The following TENM2 variants were observed in gnomAD, a reference collection of about 807,000 sequenced individuals.
TENM2 encodes the protein teneurin-2.
A neutral mutation model predicts 245.2 loss-of-function variants in TENM2; 52 were observed. The ratio of observed to expected loss-of-function variants is 0.21; its 90% CI spans 0.17 to 0.27. TENM2 has a LOEUF of 0.27. Ranked by LOEUF, TENM2 falls within the 10% of genes least tolerant of loss-of-function variation. The probability of loss-of-function intolerance (pLI) is 1.00; values close to 1 mark genes in which losing one functional copy is unlikely to be tolerated. For missense variants in TENM2, 3,046 were observed against 3,666.8 expected (o/e 0.83, Z 4.37); for synonymous variants, 1,363 against 1,438.9 (o/e 0.95, Z 1.19).
chr5:167,166,192 C>T, the TENM2 span, among the ~76,000 whole-genome samples: 2 of 152,134 alleles, frequency 1.3e-5, no homozygotes, highest in Non-Finnish European at 2.9e-5. Context: ...GTTTATAAAA[C>T]ATTGTTCAGC....
chr5:168,219,038 C>T, intron 23 of TENM2, 39 bp downstream of exon 25: 1 of 1,578,836 alleles, frequency 6.3e-7, no homozygotes. Context: ...GAGCCCTTCC[C>T]TTGCCCTAGC....
chr5:167,293,075 GGAGA>G (rs778339377), intron 1 of TENM2, among the ~76,000 whole-genome samples: 1 of 152,214 alleles, frequency 6.6e-6, no homozygotes, highest in Admixed American at 6.5e-5. Context: ...TTCAGCTTGT[GGAGA>G]GAGGAAAGAT....
chr5:167,774,605 A>G (rs1763634242), intron 2 of TENM2, among the ~76,000 whole-genome samples: 1 of 152,198 alleles, frequency 6.6e-6, no homozygotes, highest in African/African-American at 2.4e-5. Flanking sequence ...TAATTCATAC[A>G]TGGATACCCC....
chr5:168,220,089 T>C (rs1763542933), intron 23 of TENM2, among the ~76,000 whole-genome samples: 1 of 152,174 alleles, frequency 6.6e-6, no homozygotes, highest in African/African-American at 2.4e-5. Context: ...CTTAATACCC[T>C]TCAGGACACT....
chr5:167,592,006 A>G (rs278016), intron 2 of TENM2, among the ~76,000 whole-genome samples: 102,379 of 152,130 alleles, frequency 0.67, 34,529 homozygotes, highest in Middle Eastern at 0.76. Context: ...CAAGTGATAC[A>G]GCATTTGCCA....
intron 3 of TENM2, among the ~76,000 whole-genome samples, chr5:167,894,924 AGG>A (rs1775055860): frequency 1.0e-4 from 1 of 10,030 alleles, no homozygotes; most frequent in African/African-American, 4.3e-4. Flanking sequence ...CCTGGAAAGA[AGG>A]AAGGAAGGAA....
At chr5:167,827,532 G>A (rs2151073315) in intron 2 of TENM2, among the ~76,000 whole-genome samples, 1 of 142,460 alleles carries the variant, frequency 7.0e-6, no homozygotes, top group South Asian at 2.2e-4. Context: ...CTTAAAATAT[G>A]TTAATAAATA....
intron 2 of TENM2, among the ~76,000 whole-genome samples, chr5:167,708,964 G>A (rs1425827722): frequency 6.6e-6 from 1 of 152,102 alleles, no homozygotes; most frequent in Admixed American, 6.5e-5. Flanking sequence ...TCCCTTTTAT[G>A]AAATGGGCGA....
chr5:167,961,459 T>C (rs1035398013), intron 4 of TENM2, among the ~76,000 whole-genome samples: 1 of 152,196 alleles, frequency 6.6e-6, no homozygotes, highest in African/African-American at 2.4e-5. Flanking sequence ...TAACAGACTA[T>C]TATTTGAAAA....
chr5:168,112,610 G>GT (rs1037516247), intron 9 of TENM2, among the ~76,000 whole-genome samples: 15 of 130,410 alleles, frequency 1.2e-4, no homozygotes, highest in Non-Finnish European at 2.1e-4. Flanking sequence ...AGTGGGCGGG[G>GT]GGGGGGTCAA....
chr5:167,954,616 A>T (rs1205965719), intron 4 of TENM2, among the ~76,000 whole-genome samples: 1 of 152,000 alleles, frequency 6.6e-6, no homozygotes, highest in East Asian at 1.9e-4. Context: ...TCCCTCCCCT[A>T]GGCCCCTGCC....
chr5:167,791,451 T>TTATATATATTATATATTTATATATAA (rs1764958862), intron 2 of TENM2, among the ~76,000 whole-genome samples: 2 of 144,722 alleles, frequency 1.4e-5, no homozygotes, highest in Non-Finnish European at 3.0e-5. Flanking sequence ...ATATAATATA[T>TTATATATATTATATATTTATATATAA]TATATAGATT....
At chr5:167,376,956 G>A (rs1760787472) in intron 2 of TENM2, among the ~76,000 whole-genome samples, 2 of 152,090 alleles carry the variant, frequency 1.3e-5, no homozygotes, top group African/African-American at 4.8e-5. Flanking sequence ...TTTTAAACAA[G>A]GAATTTTAGC....
intron 7 of TENM2, among the ~76,000 whole-genome samples, chr5:168,084,083 GA>G (rs1562137705): frequency 6.6e-6 from 1 of 152,036 alleles, no homozygotes; most frequent in African/African-American, 2.4e-5. Flanking sequence ...CCATATTGCT[GA>G]AAAAAATATG....
intron 2 of TENM2, among the ~76,000 whole-genome samples, chr5:167,454,452 C>CTGTGTGTGTGTG (rs5873036): frequency 4.0e-5 from 6 of 150,594 alleles, no homozygotes; most frequent in East Asian, 2.0e-4. Flanking sequence ...CTAGAAATAA[C>CTGTGTGTGTGTG]TGTGTGTGTG....
intron 2 of TENM2, among the ~76,000 whole-genome samples, chr5:167,708,999 A>G (rs1056323536): frequency 6.6e-6 from 1 of 152,118 alleles, no homozygotes; most frequent in Non-Finnish European, 1.5e-5. Context: ...TCCCCTCTGC[A>G]TATATCACAC....
chr5:167,144,062 T>A, the TENM2 span, among the ~76,000 whole-genome samples: 2 of 152,152 alleles, frequency 1.3e-5, no homozygotes, highest in Non-Finnish European at 2.9e-5. Context: ...GGGGGTTTTT[T>A]AAACCCAAGC....
At chr5:167,325,781 C>A (rs1490179625) in intron 1 of TENM2, among the ~76,000 whole-genome samples, 1 of 152,196 alleles carries the variant, frequency 6.6e-6, no homozygotes, top group Non-Finnish European at 1.5e-5. Context: ...AGACGTTGTT[C>A]TGGCATAGAA....
intron 2 of TENM2, among the ~76,000 whole-genome samples, chr5:167,657,684 T>A (rs375762839): frequency 6.6e-5 from 10 of 151,926 alleles, no homozygotes; most frequent in African/African-American, 2.4e-4. Flanking sequence ...ATAGTCTCTC[T>A]TATAACTTCT....
Sources: allele counts gnomAD v4.1 joint callset (sites outside exome capture counted in the v4.1 genomes callset), GRCh38; gene constraint gnomAD v4.1.1; transcripts MANE v1.5; gene names NCBI Gene and HGNC (gene_info 2026-07-23, HGNC 2026-07-21).